The following ATRN variants were observed in gnomAD, a reference collection of about 807,000 sequenced individuals.
The protein encoded by ATRN is attractin-2.
Under a neutral mutation model 178.7 loss-of-function variants are expected in ATRN, and 54 were observed. That is an observed-to-expected ratio of 0.30 (90% CI 0.24 to 0.38). The LOEUF is 0.38. Ranked by LOEUF, ATRN falls within the 10% of genes least tolerant of loss-of-function variation. The pLI is 1.00. For synonymous variants in ATRN, 636 were observed against 663.0 expected (o/e 0.96, Z 0.63); for missense variants, 1,443 against 1,815.1 (o/e 0.79, Z 3.73).
At chr20:3,621,007 C>A (rs1011768468) in intron 24 of ATRN, among the ~76,000 whole-genome samples, 3 of 152,034 alleles carry the variant, frequency 2.0e-5, no homozygotes, top group Non-Finnish European at 4.4e-5. Flanking sequence ...CTCATCAGCA[C>A]TATCGTTAGT....
At chr20:3,639,916 C>G (rs978536523) in intron 27 of ATRN, among the ~76,000 whole-genome samples, 2 of 152,066 alleles carry the variant, frequency 1.3e-5, no homozygotes, top group Non-Finnish European at 2.9e-5. Context: ...GAAATCCTCT[C>G]TATAGAAAAA....
chr20:3,618,130 C>G (rs1347239503), intron 24 of ATRN, among the ~76,000 whole-genome samples: 1 of 152,128 alleles, frequency 6.6e-6, no homozygotes, highest in Non-Finnish European at 1.5e-5. Context: ...CCCAGAGAGT[C>G]ATGTCCACTT....
chr20:3,507,017 G>T (rs530125658), intron 1 of ATRN, among the ~76,000 whole-genome samples: 1 of 151,522 alleles, frequency 6.6e-6, no homozygotes, highest in Non-Finnish European at 1.5e-5. Context: ...TACTAGGTTG[G>T]TGCAAAAGTA....
At chr20:3,555,980 T>C (rs999567448) in intron 6 of ATRN, among the ~76,000 whole-genome samples, 4 of 152,274 alleles carry the variant, frequency 2.6e-5, no homozygotes, top group Admixed American at 2.6e-4. Context: ...TTAATGAGAA[T>C]TTGAGTTCAG....
At chr20:3,586,075 A>G (rs1028039902) in intron 18 of ATRN, among the ~76,000 whole-genome samples, 1 of 152,220 alleles carries the variant, frequency 6.6e-6, no homozygotes, top group African/African-American at 2.4e-5. Flanking sequence ...TTGAAAACAT[A>G]TGTTACCCAA....
chr20:3,594,139 G>A (rs2146276322), intron 19 of ATRN, among the ~76,000 whole-genome samples: 1 of 152,198 alleles, frequency 6.6e-6, no homozygotes, highest in African/African-American at 2.4e-5. Flanking sequence ...CCCAGCACCT[G>A]GCATTCTAGA....
chr20:3,640,848 G>A (rs2087061899), intron 27 of ATRN, among the ~76,000 whole-genome samples: 1 of 152,192 alleles, frequency 6.6e-6, no homozygotes, highest in African/African-American at 2.4e-5. Context: ...GCCAAAAAGT[G>A]GAAGCAGGCC....
Position 3,563,792 on chromosome 20 carries a change from G to A in ATRN, c.1786+429G>A, listed in dbSNP as rs535273711. 3.3e-5 allele frequency among the ~76,000 whole-genome samples: 5 copies of A among 152,284 alleles called. No homozygotes were observed. In the East Asian group the frequency reaches 5.8e-4, roughly 18 times the overall value. On this transcript the variant is annotated intron_variant, in intron 10 of 28. Coordinates refer to ENST00000262919, the MANE Select transcript of ATRN (RefSeq NM_139321.3). ...AGAGGGCAGTATTTGTTCATGCAAA[G>A]CAAATGCATACCGGATGATCTCTTT...
At chr20:3,494,987 A>G (rs546383193) in intron 1 of ATRN, among the ~76,000 whole-genome samples, 1 of 152,328 alleles carries the variant, frequency 6.6e-6, no homozygotes, top group East Asian at 1.9e-4. Context: ...GTGGATGGGT[A>G]TAGTAGAATG....
In ATRN at chr20:3,582,151, C is replaced by T; in HGVS notation, c.2561C>T (p.Thr854Ile). The part of the protein sequence containing the change: ...SSQSMSKLTL[T>I]PWVGLRKINV... ...TGCCTTTAGTCCAAGCTCACCTTAA[C>T]CCCATGGGTCGGCCTTCGGAAGATC... The change falls in exon 16 of 29, where the codon ACC (threonine) becomes ATC (isoleucine). Residue 854 changes from threonine to isoleucine, a missense_variant. Physicochemically the swap from Thr to Ile is moderately conservative, Grantham distance 89 (BLOSUM62 -1). This residue lies in a region of ATRN where 212 missense variants were observed against 330.7 expected (regional missense o/e 0.64). Transcript: ENST00000262919. 1 of 1,614,086 alleles carries T rather than the reference C, an allele frequency of 6.2e-7. No individual in the cohort carries two copies. Among genetic ancestry groups the T allele is most frequent in the Non-Finnish European group, 8.5e-7 (1 of 1,179,940 alleles).
At chr20:3,609,998 G>C (rs2086739956) in intron 24 of ATRN, among the ~76,000 whole-genome samples, 1 of 152,118 alleles carries the variant, frequency 6.6e-6, no homozygotes, top group Admixed American at 6.5e-5. Context: ...TTATTAAAGA[G>C]TTTCCCTTTG....
chr20:3,583,212 A>C (rs2086304793), intron 16 of ATRN, among the ~76,000 whole-genome samples: 2 of 152,222 alleles, frequency 1.3e-5, no homozygotes, highest in African/African-American at 4.8e-5. Context: ...TGTTGAACTT[A>C]ATGAATGCCG....
rs2086993786 is a variant in ATRN, at chr20:3,632,075, G to T, written c.3864-2236G>T. Among the ~76,000 whole-genome samples, 1 of 152,012 alleles carries T rather than the reference G, an allele frequency of 6.6e-6. No individual in the cohort carries two copies. Among genetic ancestry groups the T allele is most frequent in the Non-Finnish European group, 1.5e-5 (1 of 68,014 alleles). On this transcript the variant is annotated intron_variant, in intron 25 of 28. Transcript: ENST00000262919. The surrounding 1 kb of genome is among the most constrained non-coding windows in gnomAD (Gnocchi z 4.2). ...CAAATGCCATGCCCAGCCCAGACCTGGCAGCCAGCCTCCAGGTTAGAATAT... is the reference window on the plus strand; with the variant it reads ...CAAATGCCATGCCCAGCCCAGACCTTGCAGCCAGCCTCCAGGTTAGAATAT...
chr20:3,504,430 C>CT (rs1372590139), intron 1 of ATRN, among the ~76,000 whole-genome samples: 2 of 150,664 alleles, frequency 1.3e-5, no homozygotes, highest in South Asian at 4.2e-4. Flanking sequence ...AATCCCAACA[C>CT]TTTAGGAGGC....
At chr20:3,545,457 G>A (rs1000602470) in intron 3 of ATRN, among the ~76,000 whole-genome samples, 1 of 151,824 alleles carries the variant, frequency 6.6e-6, no homozygotes, top group African/African-American at 2.4e-5. Context: ...TTATGTGATT[G>A]TGGAGGTTTA....
intron 1 of ATRN, among the ~76,000 whole-genome samples, chr20:3,495,549 C>T (rs2084866493): frequency 6.6e-6 from 1 of 152,044 alleles, no homozygotes; most frequent in Non-Finnish European, 1.5e-5. Flanking sequence ...GCCAGAATAC[C>T]AGCAGGTTAG....
chr20:3,539,307 T>C (rs954888210), intron 2 of ATRN, among the ~76,000 whole-genome samples: 69 of 152,248 alleles, frequency 4.5e-4, no homozygotes, highest in African/African-American at 1.6e-3. Flanking sequence ...TCTGCGAAGT[T>C]TTACCTTTTT....
intron 18 of ATRN, among the ~76,000 whole-genome samples, chr20:3,590,435 C>T (rs1429084520): frequency 1.3e-5 from 2 of 152,130 alleles, no homozygotes; most frequent in Non-Finnish European, 2.9e-5. Context: ...CCTATTCCCC[C>T]CTAGAGTTCT....
At position 3,649,142 on chromosome 20, in the gene ATRN, T is replaced by G. The variant is rs2087127897; in HGVS notation, c.*2295T>G. On this transcript the variant is annotated 3_prime_UTR_variant, in exon 29 of 29. Coordinates refer to ENST00000262919, the MANE Select transcript of ATRN (RefSeq NM_139321.3). ...TTGCAACCGACAGCAAACAGCTTTCTCCGGCCTCAGGGCAGAAAAAGGGAA... is the reference window on the plus strand; with the variant it reads ...TTGCAACCGACAGCAAACAGCTTTCGCCGGCCTCAGGGCAGAAAAAGGGAA... 6.6e-6 allele frequency: 1 copy of G among 152,268 alleles called. No individual in the cohort carries two copies. Among genetic ancestry groups the G allele is most frequent in the South Asian group, 2.1e-4 (1 of 4,832 alleles). The allele number at this position is 152,268 out of a possible 1,614,324, so 9.4% of individuals were successfully genotyped here.
Sources: allele counts gnomAD v4.1 joint callset (sites outside exome capture counted in the v4.1 genomes callset), GRCh38; gene constraint gnomAD v4.1.1; regional missense constraint gnomAD v4.1.1; non-coding constraint Gnocchi (gnomAD v3.1); transcripts MANE v1.5; gene names NCBI Gene and HGNC (gene_info 2026-07-23, HGNC 2026-07-21).